Variants in MORC3 observed in about 807,000 individuals in gnomAD.
MORC3 encodes the protein MORC family CW-type zinc finger 3.
MORC3 carries 31 observed loss-of-function variants against 109.1 expected under a neutral mutation model. That is an observed-to-expected ratio of 0.28 (90% CI 0.21 to 0.38). The LOEUF (loss-of-function observed/expected upper bound fraction) is 0.38, where lower values mean the gene tolerates loss of function less well. Among genes scored for constraint, MORC3 ranks in the 10% least tolerant of loss-of-function variants. The pLI is 1.00. For synonymous variants in MORC3, 395 were observed against 380.7 expected, an observed-to-expected ratio of 1.04 and a Z score of -0.44; for missense variants, 867 against 1,135.8, an observed-to-expected ratio of 0.76 and a Z score of 3.40.
At chr21:36,369,980 A>G in intron 15 of MORC3, 104 bp downstream of exon 15, 1 of 1,371,252 alleles carries the variant, frequency 7.3e-7, no homozygotes, top group Non-Finnish European at 9.9e-7. Flanking sequence ...TAATCCCACC[A>G]CTTGGGGAGG....
intron 6 of MORC3, among the ~76,000 whole-genome samples, chr21:36,342,250 A>G (rs1913617398): frequency 6.6e-6 from 1 of 151,762 alleles, no homozygotes; most frequent in African/African-American, 2.4e-5. Context: ...TCACACACAC[A>G]CAAAAAATTT....
At chr21:36,320,386 C>T in intron 1 of MORC3, 83 bp downstream of exon 1, 2 of 1,210,016 alleles carry the variant, frequency 1.7e-6, no homozygotes, top group Non-Finnish European at 2.1e-6. Flanking sequence ...TGGGCGGTGG[C>T]GGCTTGTGGG....
intron 1 of MORC3, among the ~76,000 whole-genome samples, chr21:36,326,483 CACTCCAGCCTGGACAACAGAGCAAG>C (rs1209256739): frequency 6.6e-6 from 1 of 152,158 alleles, no homozygotes; most frequent in Non-Finnish European, 1.5e-5. Context: ...CACACCACCG[CACTCCAGCCTGGACAACAGAGCAAG>C]ACTCCATCTC....
chr21:36,366,538 C>T (rs1212689520), intron 14 of MORC3, among the ~76,000 whole-genome samples: 2 of 151,974 alleles, frequency 1.3e-5, no homozygotes, highest in African/African-American at 4.8e-5. Flanking sequence ...TTACTGCAAC[C>T]TCTGCCTCCT....
chr21:36,346,832 G>A (rs531013155), intron 8 of MORC3, among the ~76,000 whole-genome samples: 1 of 151,094 alleles, frequency 6.6e-6, no homozygotes, highest in African/African-American at 2.4e-5. Flanking sequence ...AACAAAAATC[G>A]TCTCTACAAA....
chr21:36,353,755 A>ATTTTTATTTTTTTTTT, intron 9 of MORC3, among the ~76,000 whole-genome samples: 1 of 71,012 alleles, frequency 1.4e-5, no homozygotes, highest in Non-Finnish European at 2.3e-5. Flanking sequence ...TAATTTTTGT[A>ATTTTTATTTTTTTTTT]TTTTTTTTTT....
chr21:36,350,996 T>C (rs1466718638), intron 9 of MORC3, among the ~76,000 whole-genome samples: 1 of 151,944 alleles, frequency 6.6e-6, no homozygotes, highest in African/African-American at 2.4e-5. Context: ...ATTCCAATTT[T>C]ACTCTTCTAG....
intron 8 of MORC3, among the ~76,000 whole-genome samples, chr21:36,345,390 A>G (rs558580649): frequency 4.0e-5 from 6 of 151,110 alleles, no homozygotes; most frequent in Admixed American, 2.0e-4. Context: ...AGCTGGGACT[A>G]CAGGTGCATG....
rs2085927292 is a variant in MORC3 at position 36,376,154 on chromosome 21, C to T, written c.*858C>T. ...AGTCTTTCTCAAACAATACTACATA[C>T]CTTTTATTATATTACAAACCTAAGT... On this transcript the variant is annotated 3_prime_UTR_variant, in exon 17 of 17. Coordinates refer to ENST00000400485, the MANE Select transcript of MORC3 (RefSeq NM_015358.3). 6.6e-6 allele frequency: 1 copy of T among 152,516 alleles called. No homozygotes were observed. The highest frequency in any genetic ancestry group is 2.4e-5 in the African/African-American group (1 of 41,430). 9.4% of individuals were successfully genotyped at this position (152,516 alleles called of 1,614,324 possible). A position where few individuals can be genotyped will look rare whatever the true frequency, so the allele number is the denominator to read the frequency against.
intron 14 of MORC3, among the ~76,000 whole-genome samples, chr21:36,367,401 T>C (rs1349959486): frequency 6.6e-6 from 1 of 152,170 alleles, no homozygotes; most frequent in Non-Finnish European, 1.5e-5. Context: ...ATGTGTCATC[T>C]CCCACATGGG....
intron 1 of MORC3, among the ~76,000 whole-genome samples, chr21:36,321,421 CT>C (rs1386849148): frequency 6.6e-6 from 1 of 151,912 alleles, no homozygotes; most frequent in African/African-American, 2.4e-5. Context: ...TTGGGAGGAT[CT>C]TTATTGATTT....
At chr21:36,332,514 T>C (rs1356663894) in intron 1 of MORC3, among the ~76,000 whole-genome samples, 1 of 152,188 alleles carries the variant, frequency 6.6e-6, no homozygotes, top group Non-Finnish European at 1.5e-5. Context: ...GCAATATTTA[T>C]GGACAAAACA....
chr21:36,342,865 A>G (rs149950948), intron 6 of MORC3, among the ~76,000 whole-genome samples: 2,360 of 151,662 alleles, frequency 0.016, 34 homozygotes, highest in Non-Finnish European at 0.025. Flanking sequence ...CTAAAAATAG[A>G]AAAATTAGCT....
At chr21:36,371,439 A>C (rs1020855953) in intron 15 of MORC3, among the ~76,000 whole-genome samples, 5 of 67,586 alleles carry the variant, frequency 7.4e-5, no homozygotes, top group Non-Finnish European at 9.7e-5. Flanking sequence ...AGCCTAGCCT[A>C]ACCTGCCTTA....
At chr21:36,321,423 T>G (rs532660627) in intron 1 of MORC3, among the ~76,000 whole-genome samples, 7 of 152,324 alleles carry the variant, frequency 4.6e-5, no homozygotes, top group African/African-American at 1.7e-4. Flanking sequence ...GGGAGGATCT[T>G]TATTGATTTG....
At chr21:36,333,774 T>TTTTTG (rs1345357802) in intron 2 of MORC3, 56 bp downstream of exon 2, 2 of 1,395,832 alleles carry the variant, frequency 1.4e-6, no homozygotes, top group East Asian at 2.3e-5. Context: ...AGTGTTTTTT[T>TTTTTG]TTTTGTTTTG....
At chr21:36,359,590 C>CT (rs2085689767) in intron 10 of MORC3, among the ~76,000 whole-genome samples, 1 of 86,814 alleles carries the variant, frequency 1.2e-5, no homozygotes, top group African/African-American at 4.5e-5. Flanking sequence ...TTGACAGGAT[C>CT]TTACTCTGTA....
At chr21:36,365,825 G>T (rs145272421) in intron 14 of MORC3, among the ~76,000 whole-genome samples, 3 of 151,988 alleles carry the variant, frequency 2.0e-5, no homozygotes, top group Admixed American at 6.6e-5. Context: ...CAGGTGATCC[G>T]CCCGCCTCGG....
Position 36,369,118 on chromosome 21 carries a change from A to C in MORC3, c.1750A>C (p.Ser584Arg). Residue 584 changes from serine to arginine, a missense_variant, in exon 15 of 17, where the codon AGT becomes CGT. Ser to Arg is a moderately radical substitution (Grantham distance 110). This residue lies in a region of MORC3 where 486 missense variants were observed against 502.1 expected (regional missense o/e 0.97). Coordinates refer to ENST00000400485, the MANE Select transcript of MORC3 (RefSeq NM_015358.3). ...DEDVIILEEN[S>R]TPKPAVDHDI... ...AGATGTCATCATCTTAGAAGAAAAC[A>C]GTACCCCCAAACCTGCAGTAGATCA... 1.2e-6 allele frequency: 2 copies of C among 1,614,158 alleles called. No individual in the cohort carries two copies. The highest frequency in any genetic ancestry group is 1.7e-6 in the Non-Finnish European group (2 of 1,180,028).
Sources: allele counts gnomAD v4.1 joint callset (sites outside exome capture counted in the v4.1 genomes callset), GRCh38; gene constraint gnomAD v4.1.1; regional missense constraint gnomAD v4.1.1; transcripts MANE v1.5; gene names NCBI Gene and HGNC (gene_info 2026-07-23, HGNC 2026-07-21).